AFF3: variants seen among roughly 807,000 people sequenced by gnomAD.
AFF3 encodes AF4/FMR2 family member 3.
A neutral mutation model predicts 129.7 loss-of-function variants in AFF3; 32 were observed. That is an observed-to-expected ratio of 0.25 (90% CI 0.19 to 0.33). The LOEUF is 0.33. Ranked by LOEUF, AFF3 falls within the 10% of genes least tolerant of loss-of-function variation. The pLI is 1.00. For missense variants in AFF3, 1,373 were observed against 1,592.0 expected, an observed-to-expected ratio of 0.86 and a Z score of 2.34; for synonymous variants, 644 against 635.4, an observed-to-expected ratio of 1.01 and a Z score of -0.20.
chr2:99,839,609 C>T (rs529462498), intron 7 of AFF3, among the ~76,000 whole-genome samples: 36 of 146,142 alleles, frequency 2.5e-4, no homozygotes, highest in African/African-American at 8.3e-4. Flanking sequence ...TCTTTTTTTT[C>T]TTTCTTTCTT....
intron 4 of AFF3, among the ~76,000 whole-genome samples, chr2:100,070,564 A>C (rs1015333945): frequency 9.2e-5 from 14 of 152,236 alleles, no homozygotes; most frequent in African/African-American, 3.1e-4. Context: ...GAAAGTTATA[A>C]GTTGAATTCT....
intron 18 of AFF3, among the ~76,000 whole-genome samples, chr2:99,575,414 A>ATTTTTTTTTTTTTTTTTT (rs540441950): frequency 4.2e-4 from 53 of 127,438 alleles, no homozygotes; most frequent in African/African-American, 9.5e-4. Context: ...TGCCTGGCTA[A>ATTTTTTTTTTTTTTTTTT]TTTTTTTTTT....
At chr2:100,043,076 T>A (rs1194879911) in intron 4 of AFF3, among the ~76,000 whole-genome samples, 1 of 152,126 alleles carries the variant, frequency 6.6e-6, no homozygotes, top group Non-Finnish European at 1.5e-5. Flanking sequence ...CTGACAAATT[T>A]CAAAGAGGCT....
chr2:100,141,307 G>A (rs1266695408), intron 1 of AFF3, among the ~76,000 whole-genome samples: 1 of 152,114 alleles, frequency 6.6e-6, no homozygotes, highest in Admixed American at 6.6e-5. Flanking sequence ...GTGCAGTTAC[G>A]CCTAGAACAA....
At chr2:99,911,483 C>G (rs1292936772) in intron 7 of AFF3, among the ~76,000 whole-genome samples, 1 of 152,052 alleles carries the variant, frequency 6.6e-6, no homozygotes, top group Non-Finnish European at 1.5e-5. Flanking sequence ...AGGTTCTGAC[C>G]CCTTTGACAT....
chr2:100,079,434 C>T (rs1023243917), intron 4 of AFF3, among the ~76,000 whole-genome samples: 6 of 152,212 alleles, frequency 3.9e-5, no homozygotes, highest in Admixed American at 3.9e-4. Context: ...TTTCAAGATT[C>T]TCAACTAGGT....
intron 7 of AFF3, among the ~76,000 whole-genome samples, chr2:99,880,966 C>A (rs1055494770): frequency 6.6e-6 from 1 of 152,314 alleles, no homozygotes; most frequent in Non-Finnish European, 1.5e-5. Flanking sequence ...CAGCAGAGAG[C>A]ACTTACTTCA....
chr2:99,990,651 G>A (rs1393493549), intron 7 of AFF3, among the ~76,000 whole-genome samples: 5 of 152,006 alleles, frequency 3.3e-5, no homozygotes, highest in South Asian at 2.1e-4. Flanking sequence ...TGCTACTCAG[G>A]GTTTATGAAA....
chr2:99,875,931 TC>T (rs1210707695), intron 7 of AFF3, among the ~76,000 whole-genome samples: 2 of 152,172 alleles, frequency 1.3e-5, no homozygotes, highest in African/African-American at 4.8e-5. Flanking sequence ...AACAGGCTTT[TC>T]CATCTTTCCC....
intron 13 of AFF3, among the ~76,000 whole-genome samples, chr2:99,633,859 C>T (rs568723497): frequency 6.6e-6 from 1 of 151,970 alleles, no homozygotes; most frequent in East Asian, 1.9e-4. Flanking sequence ...TGCCCCACTT[C>T]CTGTACAGCC....
chr2:99,559,050 C>A (rs912218524), intron 21 of AFF3, 82 bp from the exon 22 acceptor site: 20 of 1,251,882 alleles, frequency 1.6e-5, no homozygotes, highest in Non-Finnish European at 2.1e-5. Context: ...TGTTGTTGTT[C>A]TAAGGTACTC....
chr2:99,595,997 G>T (rs1331684715), intron 14 of AFF3, among the ~76,000 whole-genome samples: 2 of 152,214 alleles, frequency 1.3e-5, no homozygotes, highest in African/African-American at 4.8e-5. Flanking sequence ...GAGGATGAAG[G>T]CCCCTTCCCT....
At chr2:100,046,736 C>G (rs561885031) in intron 4 of AFF3, among the ~76,000 whole-genome samples, 27 of 151,974 alleles carry the variant, frequency 1.8e-4, no homozygotes, top group South Asian at 2.1e-4. Context: ...TTGGTCAAAG[C>G]TAAATAAAAT....
At chr2:99,982,886 TA>T (rs1679538999) in intron 7 of AFF3, among the ~76,000 whole-genome samples, 1 of 152,202 alleles carries the variant, frequency 6.6e-6, no homozygotes. Context: ...CATTATGCTT[TA>T]TGACTTAGGT....
chr2:99,611,785 G>A (rs1360336604), intron 13 of AFF3, among the ~76,000 whole-genome samples: 2 of 152,072 alleles, frequency 1.3e-5, no homozygotes, highest in Non-Finnish European at 2.9e-5. Flanking sequence ...TACTTGGAAG[G>A]CTGAGGCAGG....
chr2:100,007,054 AG>A (rs756009056), intron 6 of AFF3, 37 bp from the exon 7 acceptor site: 2 of 1,591,226 alleles, frequency 1.3e-6, no homozygotes, highest in Admixed American at 1.8e-5. Context: ...GATAAGGATG[AG>A]GGGGGTCGAC....
chr2:99,737,358 A>G (rs375353509), intron 10 of AFF3, among the ~76,000 whole-genome samples: 2 of 152,244 alleles, frequency 1.3e-5, no homozygotes, highest in East Asian at 3.9e-4. Flanking sequence ...TTCTGAACAA[A>G]GTATGTCTTT....
intron 14 of AFF3, among the ~76,000 whole-genome samples, chr2:99,597,296 G>C (rs952815684): frequency 2.0e-5 from 3 of 152,176 alleles, no homozygotes; most frequent in Non-Finnish European, 2.9e-5. Context: ...GACAGAATTA[G>C]ATCTGAATTT....
At chr2:99,987,235 CAG>C (rs1244185962) in intron 7 of AFF3, among the ~76,000 whole-genome samples, 3 of 151,888 alleles carry the variant, frequency 2.0e-5, no homozygotes, top group Non-Finnish European at 4.4e-5. Flanking sequence ...ACCTAAAAGA[CAG>C]GGGTACGGAG....
Sources: gnomAD v4.1 joint callset for allele counts (sites outside exome capture counted in the v4.1 genomes callset) on GRCh38, gnomAD v4.1.1 for gene constraint, MANE v1.5 for transcripts, NCBI Gene and HGNC (gene_info 2026-07-23, HGNC 2026-07-21) for gene names.